Variants in TOX observed in about 807,000 individuals in gnomAD.
TOX encodes thymocyte selection-associated high mobility group box protein TOX.
A neutral mutation model predicts 53.7 loss-of-function variants in TOX; 11 were observed. That is an observed-to-expected ratio of 0.20 (90% confidence interval 0.13 to 0.34). TOX has a LOEUF of 0.34. Among genes scored for constraint, TOX ranks in the 10% least tolerant of loss-of-function variants. The pLI, the probability that TOX is intolerant of heterozygous loss-of-function variation, is 1.00. For synonymous variants in TOX, 225 were observed against 245.3 expected, an observed-to-expected ratio of 0.92 and a Z score of 0.77; for missense variants, 570 against 664.6, an observed-to-expected ratio of 0.86 and a Z score of 1.56.
At chr8:58,981,562 G>A (rs564998280) in intron 1 of TOX, among the ~76,000 whole-genome samples, 145 of 152,098 alleles carry the variant, frequency 9.5e-4, no homozygotes, top group African/African-American at 3.3e-3. Context: ...TGTTTTCTGT[G>A]TTATCTAGGC....
intron 3 of TOX, among the ~76,000 whole-genome samples, chr8:58,928,208 G>A (rs1242547953): frequency 1.3e-5 from 2 of 152,236 alleles, no homozygotes; most frequent in Non-Finnish European, 2.9e-5. Flanking sequence ...ATGCTGCAGG[G>A]AAGCGCAGCT....
chr8:58,935,557 T>C (rs1478991387), intron 3 of TOX, among the ~76,000 whole-genome samples: 2 of 152,222 alleles, frequency 1.3e-5, no homozygotes. Context: ...TGTTCTCATA[T>C]TGTAGGTGAC....
intron 3 of TOX, among the ~76,000 whole-genome samples, chr8:58,911,501 A>G (rs1041774729): frequency 9.9e-5 from 15 of 152,174 alleles, no homozygotes; most frequent in Admixed American, 9.2e-4. Flanking sequence ...TTAATAATGT[A>G]AGGATTAAAT....
chr8:58,945,007 G>A (rs947419406), intron 2 of TOX, among the ~76,000 whole-genome samples: 2 of 152,164 alleles, frequency 1.3e-5, no homozygotes, highest in Non-Finnish European at 2.9e-5. Context: ...GAATTAAATT[G>A]CACTTTTTAA....
chr8:59,083,499 A>AG (rs1398236441), intron 1 of TOX, among the ~76,000 whole-genome samples: 1 of 152,214 alleles, frequency 6.6e-6, no homozygotes, highest in Non-Finnish European at 1.5e-5. Context: ...CAACACCACA[A>AG]GGAGCATTTA....
chr8:59,028,112 A>T (rs1410122320), intron 1 of TOX, among the ~76,000 whole-genome samples: 2 of 152,234 alleles, frequency 1.3e-5, no homozygotes, highest in Admixed American at 1.3e-4. Context: ...ATAAAATAGC[A>T]GTGAGCTCCC....
chr8:59,095,609 A>T (rs186970669), intron 1 of TOX, among the ~76,000 whole-genome samples: 2 of 152,278 alleles, frequency 1.3e-5, no homozygotes, highest in East Asian at 3.9e-4. Context: ...CATGTTGGCC[A>T]GGCTGGTCTT....
chr8:59,009,831 T>A (rs192154957), intron 1 of TOX, among the ~76,000 whole-genome samples: 2 of 152,228 alleles, frequency 1.3e-5, no homozygotes, highest in Admixed American at 6.5e-5. Flanking sequence ...TTGCACTTTG[T>A]GCTACCATTT....
chr8:58,854,683 C>T (rs1213584984), intron 3 of TOX, among the ~76,000 whole-genome samples: 3 of 152,236 alleles, frequency 2.0e-5, no homozygotes, highest in South Asian at 4.2e-4. Flanking sequence ...AGCTTGAATA[C>T]CAAATCAAAG....
chr8:58,994,132 G>A (rs1163378993), intron 1 of TOX, among the ~76,000 whole-genome samples: 3 of 152,256 alleles, frequency 2.0e-5, no homozygotes, highest in Admixed American at 2.0e-4. Context: ...CAGTCGTTCC[G>A]TGAAGACTCA....
At chr8:59,000,951 T>C (rs1375823592) in intron 1 of TOX, among the ~76,000 whole-genome samples, 1 of 147,820 alleles carries the variant, frequency 6.8e-6, no homozygotes, top group Admixed American at 6.8e-5. Flanking sequence ...CTCAATTGTA[T>C]CTCTGATTTA....
At chr8:59,088,326 G>A (rs894458053) in intron 1 of TOX, among the ~76,000 whole-genome samples, 10 of 152,144 alleles carry the variant, frequency 6.6e-5, no homozygotes, top group African/African-American at 2.4e-4. Context: ...TGCTTACGAA[G>A]GGATAGGTAA....
rs1585852946 is a variant in TOX, at chr8:58,838,291, C to T, written c.714G>A (p.Arg238=). 3 of 1,613,548 alleles carry T rather than the reference C, an allele frequency of 1.9e-6. No homozygotes were observed. Residue 238 remains arginine, a synonymous_variant, in exon 5 of 9, where the codon CGG becomes CGA. Transcript: ENST00000361421. The stretch of plus-strand genomic sequence containing the variant: ...GTTTTTTCCCCATATCAGAGGCAGG[C>T]CGCTTCTCTCCACCATTGATCTGAA... ...DTSKINGGEK[R]PASDMGKKPK...
rs189692760 is a variant in TOX, at chr8:59,064,678, C to T, written c.102+54208G>A. Reference sequence around the variant, plus strand: ...TAAATAAATTGACATTAATTTATACCTTTTGTACAAATACATTTCCTTCTA... The same window carrying T: ...TAAATAAATTGACATTAATTTATACTTTTTGTACAAATACATTTCCTTCTA... On this transcript the variant is annotated intron_variant, in intron 1 of 8. Transcript: ENST00000361421. Among the ~76,000 whole-genome samples, 378 of 152,106 alleles carry T rather than the reference C, an allele frequency of 2.5e-3. 3 individuals carry two copies. Among genetic ancestry groups the T allele is most frequent in the African/African-American group, 8.6e-3 (356 of 41,494 alleles).
chr8:58,965,110 T>C (rs1812869340), intron 1 of TOX, among the ~76,000 whole-genome samples: 2 of 152,240 alleles, frequency 1.3e-5, no homozygotes, highest in African/African-American at 2.4e-5. Context: ...TTTCAAAATA[T>C]ATCTAAGCAT....
intron 1 of TOX, among the ~76,000 whole-genome samples, chr8:59,100,064 G>A (rs1804780227): frequency 6.6e-6 from 1 of 151,718 alleles, no homozygotes; most frequent in Non-Finnish European, 1.5e-5. Flanking sequence ...CAATTACGGA[G>A]AAAAGAAGAG....
intron 3 of TOX, among the ~76,000 whole-genome samples, chr8:58,937,057 C>T (rs1011597625): frequency 2.0e-5 from 3 of 152,158 alleles, no homozygotes; most frequent in Admixed American, 2.0e-4. Flanking sequence ...CTCACCAACA[C>T]GGGCATTTGC....
rs545845765 is a variant in TOX at position 58,806,991 on chromosome 8, T to C, written c.*756A>G. ...TATACATAAAAGGACTTAAATGACA[T>C]TTACTAACCATTACACAAAAAGTGA... On this transcript the variant is annotated 3_prime_UTR_variant, in exon 9 of 9. Coordinates refer to ENST00000361421, the MANE Select transcript of TOX (RefSeq NM_014729.3). The C allele has an allele frequency of 1.3e-5, 2 of 152,758 alleles. No homozygotes were observed. Among genetic ancestry groups the C allele is most frequent in the South Asian group, 4.1e-4 (2 of 4,826 alleles). 9.5% of individuals were successfully genotyped at this position (152,758 alleles called of 1,614,324 possible).
At chr8:58,808,816 CA>C (rs1432369084) in intron 7 of TOX, among the ~76,000 whole-genome samples, 1 of 152,164 alleles carries the variant, frequency 6.6e-6, no homozygotes, top group Non-Finnish European at 1.5e-5. Flanking sequence ...TAAAAAATTT[CA>C]ACCAAAGCTT....
Sources: gnomAD v4.1 joint callset for allele counts (sites outside exome capture counted in the v4.1 genomes callset) on GRCh38, gnomAD v4.1.1 for gene constraint, MANE v1.5 for transcripts, NCBI Gene and HGNC (gene_info 2026-07-23, HGNC 2026-07-21) for gene names.